Variants in C10orf90 observed in about 807,000 individuals in gnomAD.
C10orf90 encodes chromosome 10 open reading frame 90.
Under a neutral mutation model 62.5 loss-of-function variants are expected in C10orf90, and 56 were observed. The ratio of observed to expected loss-of-function variants is 0.90; its 90% CI spans 0.72 to 1.12. The LOEUF is 1.12. Ranked by LOEUF, C10orf90 falls within the 50% of genes most tolerant of loss-of-function variation. The pLI is 0.00. For missense variants in C10orf90, 970 were observed against 880.4 expected (o/e 1.10, Z -1.29); for synonymous variants, 386 against 340.4 (o/e 1.13, Z -1.47).
chr10:126,655,445 T>C lies in C10orf90; in HGVS notation c.241-8808A>G, dbSNP rs1413490268. The stretch of plus-strand genomic sequence containing the variant: ...GACACAGAGACACCCAGTGAGCACA[T>C]GCTTTTGGAAAAACAGCACAGATAG... On this transcript the variant is annotated intron_variant, in intron 1 of 9. Coordinates refer to ENST00000488181, the MANE Select transcript of C10orf90 (RefSeq NM_001350921.2). 3.9e-5 allele frequency among the ~76,000 whole-genome samples: 6 copies of C among 152,346 alleles called. No individual in the cohort carries two copies. In the South Asian group the frequency reaches 1.2e-3, roughly 32 times the overall value.
rs1268052367 is a variant in C10orf90 at position 126,456,104 on chromosome 10, A to ATGAACTAAT, written c.2188+2927_2188+2935dup. Among the ~76,000 whole-genome samples the ATGAACTAAT allele has an allele frequency of 6.6e-6, 1 of 152,262 alleles. No individual in the cohort carries two copies. The highest frequency in any genetic ancestry group is 1.5e-5 in the Non-Finnish European group (1 of 68,046). The stretch of plus-strand genomic sequence containing the variant: ...CAAAGCTCGTTCACGCATATGATTT[A>ATGAACTAAT]TGAACTAATTTAGCAAGTAAGAAAA... On this transcript the variant is annotated intron_variant, in intron 7 of 9. Transcript: ENST00000488181. This position sits in a 1 kb window ranked among gnomAD's most constrained non-coding sequence, Gnocchi z 4.9.
chr10:126,519,466 A>G (rs1863624581), intron 2 of C10orf90, among the ~76,000 whole-genome samples: 1 of 152,182 alleles, frequency 6.6e-6, no homozygotes, highest in Admixed American at 6.5e-5. Flanking sequence ...AGTCTGTTTA[A>G]TAATTACACT....
chr10:126,601,653 T>G (rs1564888214), intron 2 of C10orf90, among the ~76,000 whole-genome samples: 1 of 152,260 alleles, frequency 6.6e-6, no homozygotes, highest in Non-Finnish European at 1.5e-5. Context: ...AAGTGATTTT[T>G]CTAATTATAC....
intron 2 of C10orf90, among the ~76,000 whole-genome samples, chr10:126,601,192 T>A (rs1256621011): frequency 1.3e-5 from 2 of 151,982 alleles, no homozygotes; most frequent in South Asian, 2.1e-4. Context: ...TCACCAGGGG[T>A]AGGGGCTGAG....
chr10:126,538,957 G>C (rs769591007), intron 2 of C10orf90, among the ~76,000 whole-genome samples: 1 of 152,228 alleles, frequency 6.6e-6, no homozygotes, highest in African/African-American at 2.4e-5. Flanking sequence ...AGCTGAGCTG[G>C]AGCCAGGAAC....
intron 2 of C10orf90, among the ~76,000 whole-genome samples, chr10:126,549,052 T>C (rs547775632): frequency 6.6e-6 from 1 of 152,268 alleles, no homozygotes; most frequent in South Asian, 2.1e-4. Flanking sequence ...AAACTATAAA[T>C]ATTTTATAGA....
intron 2 of C10orf90, among the ~76,000 whole-genome samples, chr10:126,576,456 A>G (rs1844612487): frequency 6.6e-6 from 1 of 151,940 alleles, no homozygotes; most frequent in Non-Finnish European, 1.5e-5. Flanking sequence ...GAAACTCTTT[A>G]TACACTGTTG....
At chr10:126,499,337 G>A (rs1202632954) in intron 4 of C10orf90, among the ~76,000 whole-genome samples, 1 of 152,102 alleles carries the variant, frequency 6.6e-6, no homozygotes, top group African/African-American at 2.4e-5. Flanking sequence ...GGCCCGCAAA[G>A]CCAAACACAT....
At chr10:126,459,355 C>G (rs932007718) in intron 6 of C10orf90, 138 bp from the exon 7 acceptor site, 11 of 923,580 alleles carry the variant, frequency 1.2e-5, no homozygotes, top group Non-Finnish European at 1.5e-5. Context: ...GTACGTCACG[C>G]TTTTCTTGCA....
intron 7 of C10orf90, among the ~76,000 whole-genome samples, chr10:126,455,619 G>GGA (rs1431191242): frequency 1.3e-5 from 2 of 152,212 alleles, no homozygotes; most frequent in African/African-American, 4.8e-5. Flanking sequence ...ACCCGGGTGA[G>GGA]GAGAGAGACT....
chr10:126,596,335 T>C (rs902677052), intron 2 of C10orf90, among the ~76,000 whole-genome samples: 1 of 151,112 alleles, frequency 6.6e-6, no homozygotes, highest in Admixed American at 6.6e-5. Context: ...AATTGGACTT[T>C]GCCAAAATTA....
intron 2 of C10orf90, among the ~76,000 whole-genome samples, chr10:126,583,990 C>T (rs1373971487): frequency 1.3e-5 from 2 of 152,022 alleles, no homozygotes; most frequent in African/African-American, 4.8e-5. Context: ...CATGGTGACT[C>T]ATGCCTGTAG....
chr10:126,527,494 T>C (rs2133950829), intron 2 of C10orf90, among the ~76,000 whole-genome samples: 1 of 152,336 alleles, frequency 6.6e-6, no homozygotes, highest in African/African-American at 2.4e-5. Flanking sequence ...CAGTGACGAT[T>C]CTCAGACTCC....
At chr10:126,438,522 C>G (rs191749223) in intron 7 of C10orf90, among the ~76,000 whole-genome samples, 1 of 152,152 alleles carries the variant, frequency 6.6e-6, no homozygotes, top group East Asian at 1.9e-4. Context: ...TTACACACTT[C>G]TAAAAGAATA....
chr10:126,649,069 T>TCC (rs1846235395), intron 1 of C10orf90, among the ~76,000 whole-genome samples: 3 of 37,916 alleles, frequency 7.9e-5, no homozygotes, highest in South Asian at 9.3e-4. Flanking sequence ...TCTCTCTCTC[T>TCC]CTCCCCCCCC....
intron 4 of C10orf90, among the ~76,000 whole-genome samples, chr10:126,472,349 C>A (rs1007469454): frequency 6.6e-6 from 1 of 152,118 alleles, no homozygotes; most frequent in South Asian, 2.1e-4. Context: ...AAAATGCTCA[C>A]GGTATTTGTC....
At chr10:126,600,818 T>TC (rs1445613461) in intron 2 of C10orf90, among the ~76,000 whole-genome samples, 1 of 152,092 alleles carries the variant, frequency 6.6e-6, no homozygotes, top group Non-Finnish European at 1.5e-5. Flanking sequence ...ACACTGAGGA[T>TC]CCAGGAATCC....
At chr10:126,542,209 G>A (rs1836939) in intron 2 of C10orf90, among the ~76,000 whole-genome samples, 3,856 of 152,160 alleles carry the variant, frequency 0.025, 177 homozygotes, top group African/African-American at 0.086. Context: ...TGAGTATGAG[G>A]TTTGGGAACT....
intron 7 of C10orf90, among the ~76,000 whole-genome samples, chr10:126,437,522 G>A (rs1187079250): frequency 6.6e-6 from 1 of 152,160 alleles, no homozygotes; most frequent in African/African-American, 2.4e-5. Flanking sequence ...AAGGAAAAGA[G>A]TTAAATCCCT....
Sources: allele counts gnomAD v4.1 joint callset (sites outside exome capture counted in the v4.1 genomes callset), GRCh38; gene constraint gnomAD v4.1.1; non-coding constraint Gnocchi (gnomAD v3.1); transcripts MANE v1.5; gene names NCBI Gene and HGNC (gene_info 2026-07-23, HGNC 2026-07-21).